Variants in KCNQ3 observed in about 807,000 individuals in gnomAD.
KCNQ3 encodes the protein potassium voltage-gated channel subfamily Q member 3, also known as potassium voltage-gated channel subfamily KQT member 3.
KCNQ3 carries 30 observed loss-of-function variants against 92.5 expected under a neutral mutation model. The ratio of observed to expected loss-of-function variants is 0.32; its 90% CI spans 0.24 to 0.44. The LOEUF (loss-of-function observed/expected upper bound fraction) is 0.44, where lower values mean the gene tolerates loss of function less well. KCNQ3 is among the 20% of genes least tolerant of loss of function. The pLI is 1.00. For synonymous variants in KCNQ3, 450 were observed against 468.8 expected, an observed-to-expected ratio of 0.96 and a Z score of 0.52; for missense variants, 913 against 1,140.3, an observed-to-expected ratio of 0.80 and a Z score of 2.87.
chr8:132,330,895 C>G (rs181038957), intron 1 of KCNQ3, among the ~76,000 whole-genome samples: 5 of 152,146 alleles, frequency 3.3e-5, no homozygotes, highest in Admixed American at 3.3e-4. Context: ...TGGCAACTGC[C>G]GGGTCTGATG....
intron 9 of KCNQ3, among the ~76,000 whole-genome samples, chr8:132,157,405 T>C (rs1033147433): frequency 5.9e-5 from 9 of 152,076 alleles, no homozygotes; most frequent in Non-Finnish European, 1.0e-4. Flanking sequence ...TGGAAGGAGG[T>C]GAATTATCCA....
intron 1 of KCNQ3, among the ~76,000 whole-genome samples, chr8:132,265,818 A>T (rs2130484021): frequency 6.6e-6 from 1 of 152,304 alleles, no homozygotes; most frequent in South Asian, 2.1e-4. Context: ...CAAAGGGACG[A>T]ATGAAACACC....
chr8:132,385,081 A>G (rs1368319870), intron 1 of KCNQ3, among the ~76,000 whole-genome samples: 2 of 152,044 alleles, frequency 1.3e-5, no homozygotes, highest in Non-Finnish European at 2.9e-5. Context: ...CTCCTCACCT[A>G]AGATCATGCC....
intron 1 of KCNQ3, among the ~76,000 whole-genome samples, chr8:132,284,488 AT>A (rs5895136): frequency 2.7e-3 from 401 of 150,504 alleles, no homozygotes; most frequent in Admixed American, 4.5e-3. Flanking sequence ...AACTCTATAG[AT>A]TTTTTTTTTA....
intron 1 of KCNQ3, among the ~76,000 whole-genome samples, chr8:132,273,462 T>A (rs946933697): frequency 2.0e-5 from 3 of 152,150 alleles, no homozygotes; most frequent in African/African-American, 7.2e-5. Context: ...CATGAAACCA[T>A]TTTTTCTTCC....
intron 1 of KCNQ3, among the ~76,000 whole-genome samples, chr8:132,468,577 T>G (rs896177645): frequency 1.3e-5 from 2 of 152,264 alleles, no homozygotes; most frequent in African/African-American, 4.8e-5. Flanking sequence ...TTAAGCAGGT[T>G]ACCCTGACAT....
chr8:132,289,757 A>C (rs1211895896), intron 1 of KCNQ3, among the ~76,000 whole-genome samples: 1 of 152,172 alleles, frequency 6.6e-6, no homozygotes, highest in Non-Finnish European at 1.5e-5. Flanking sequence ...ATTCTCAGTC[A>C]GTTTGCTGTA....
chr8:132,341,779 A>C (rs942182110), intron 1 of KCNQ3, among the ~76,000 whole-genome samples: 6 of 152,200 alleles, frequency 3.9e-5, no homozygotes, highest in Non-Finnish European at 5.9e-5. Context: ...AAAAAGAGAC[A>C]TTCAGAGCAT....
intron 1 of KCNQ3, among the ~76,000 whole-genome samples, chr8:132,404,500 A>T (rs1232300397): frequency 6.6e-6 from 1 of 152,230 alleles, no homozygotes; most frequent in Non-Finnish European, 1.5e-5. Flanking sequence ...CCTAAAAGCA[A>T]AGCTAAAGCT....
chr8:132,260,923 T>C (rs1236754914), intron 1 of KCNQ3, among the ~76,000 whole-genome samples: 2 of 152,184 alleles, frequency 1.3e-5, no homozygotes, highest in African/African-American at 2.4e-5. Context: ...TCTTACTCAT[T>C]CTTTTATTAT....
At position 132,407,991 on chromosome 8, in the gene KCNQ3, G is replaced by A. The variant is rs138832735; in HGVS notation, c.386+72156C>T. Among the ~76,000 whole-genome samples the A allele has an allele frequency of 1.9e-3, 293 of 152,268 alleles. 2 individuals are homozygous for A. The highest frequency in any genetic ancestry group is 6.7e-3 in the African/African-American group (279 of 41,548). ...CTGACTGGCAAAGGTAAGTCGCTGG[G>A]TGGGTAGCTCAGGAAATGAGTGAGT... On this transcript the variant is annotated intron_variant, in intron 1 of 14. Coordinates refer to ENST00000388996, the MANE Select transcript of KCNQ3 (RefSeq NM_004519.4).
chr8:132,196,915 T>C (rs1044624143), intron 1 of KCNQ3, among the ~76,000 whole-genome samples: 3 of 152,090 alleles, frequency 2.0e-5, no homozygotes, highest in African/African-American at 7.2e-5. Flanking sequence ...AAATAAATGC[T>C]CACAGACTAC....
At chr8:132,211,566 G>C (rs1412610306) in intron 1 of KCNQ3, among the ~76,000 whole-genome samples, 1 of 152,056 alleles carries the variant, frequency 6.6e-6, no homozygotes, top group Non-Finnish European at 1.5e-5. Context: ...AGATCTGCCT[G>C]GTTCCCTCAC....
intron 1 of KCNQ3, among the ~76,000 whole-genome samples, chr8:132,447,516 T>C (rs1179892806): frequency 1.3e-5 from 2 of 149,906 alleles, no homozygotes; most frequent in Non-Finnish European, 1.5e-5. Context: ...AGAAAAGTAA[T>C]GGAGATTAAA....
At chr8:132,331,931 G>A (rs1228443599) in intron 1 of KCNQ3, among the ~76,000 whole-genome samples, 2 of 152,170 alleles carry the variant, frequency 1.3e-5, no homozygotes, top group African/African-American at 2.4e-5. Context: ...TTCTGTGGTA[G>A]ACAGTGGTTG....
chr8:132,176,910 T>C (rs1185571455), intron 4 of KCNQ3, among the ~76,000 whole-genome samples: 3 of 152,206 alleles, frequency 2.0e-5, no homozygotes, highest in Non-Finnish European at 4.4e-5. Context: ...TGTACGGGTG[T>C]GAGTTTGGTC....
intron 1 of KCNQ3, among the ~76,000 whole-genome samples, chr8:132,220,283 T>C (rs1814182841): frequency 6.6e-6 from 1 of 151,966 alleles, no homozygotes; most frequent in Non-Finnish European, 1.5e-5. Context: ...TACAGATAAA[T>C]AAGAAAAACT....
At chr8:132,390,727 G>A (rs1820028463) in intron 1 of KCNQ3, among the ~76,000 whole-genome samples, 1 of 152,156 alleles carries the variant, frequency 6.6e-6, no homozygotes, top group South Asian at 2.1e-4. Flanking sequence ...CTGACCTGAT[G>A]AGGTTCTAAG....
intron 1 of KCNQ3, among the ~76,000 whole-genome samples, chr8:132,214,719 T>G (rs758294128): frequency 1.4e-4 from 21 of 152,248 alleles, no homozygotes; most frequent in Non-Finnish European, 2.9e-4. Context: ...TGTCATTCCT[T>G]CATTAACTCT....
Sources: gnomAD v4.1 joint callset for allele counts (sites outside exome capture counted in the v4.1 genomes callset) on GRCh38, gnomAD v4.1.1 for gene constraint, MANE v1.5 for transcripts, NCBI Gene and HGNC (gene_info 2026-07-23, HGNC 2026-07-21) for gene names.